The following LPP variants were observed in gnomAD, a reference collection of about 807,000 sequenced individuals.
The protein encoded by LPP is LIM domain containing preferred translocation partner in lipoma.
A neutral mutation model predicts 60.4 loss-of-function variants in LPP; 38 were observed. The observed-to-expected ratio is 0.63, with a 90% CI of 0.49 to 0.83. The LOEUF is 0.83. LPP is among the 40% of genes least tolerant of loss of function. The pLI is 0.00. For missense variants in LPP, 902 were observed against 783.6 expected, an observed-to-expected ratio of 1.15 and a Z score of -1.80; for synonymous variants, 328 against 290.8, an observed-to-expected ratio of 1.13 and a Z score of -1.30.
chr3:188,818,304 A>G (rs528351939), intron 9 of LPP, among the ~76,000 whole-genome samples: 3 of 152,240 alleles, frequency 2.0e-5, no homozygotes, highest in African/African-American at 7.2e-5. Flanking sequence ...ATCTGTCAGA[A>G]CTATTTAATA....
intron 4 of LPP, among the ~76,000 whole-genome samples, chr3:188,430,077 G>C (rs1217862567): frequency 6.6e-6 from 1 of 152,098 alleles, no homozygotes; most frequent in East Asian, 1.9e-4. Flanking sequence ...CTTGTGATTA[G>C]ATTAACCAGA....
chr3:188,245,840 C>G (rs1277297362), intron 2 of LPP, among the ~76,000 whole-genome samples: 1 of 152,076 alleles, frequency 6.6e-6, no homozygotes, highest in Admixed American at 6.6e-5. Context: ...CCACACCCAG[C>G]CCAGCCCTGC....
At chr3:188,266,085 G>A (rs561078110) in intron 2 of LPP, among the ~76,000 whole-genome samples, 2 of 152,140 alleles carry the variant, frequency 1.3e-5, no homozygotes, top group African/African-American at 4.8e-5. Context: ...AGAAGGTGAT[G>A]TGAGATCTCT....
chr3:188,288,831 A>AC (rs199604800), intron 2 of LPP, among the ~76,000 whole-genome samples: 42,396 of 79,440 alleles, frequency 0.53, 9,955 homozygotes, highest in African/African-American at 0.59. Context: ...CCCCACCCCC[A>AC]CCCCCCCGCC....
At chr3:188,683,190 T>C (rs1464615468) in intron 7 of LPP, among the ~76,000 whole-genome samples, 1 of 152,016 alleles carries the variant, frequency 6.6e-6, no homozygotes, top group Non-Finnish European at 1.5e-5. Flanking sequence ...TATTTTTAAA[T>C]TCACTTAGAC....
chr3:188,722,598 A>G (rs1200798952), intron 8 of LPP, among the ~76,000 whole-genome samples: 2 of 152,186 alleles, frequency 1.3e-5, no homozygotes, highest in Non-Finnish European at 2.9e-5. Flanking sequence ...AATGAGTGTT[A>G]TTTTGCCAGA....
At chr3:188,371,558 AT>A (rs1434825642) in intron 3 of LPP, among the ~76,000 whole-genome samples, 1 of 142,792 alleles carries the variant, frequency 7.0e-6, no homozygotes, top group African/African-American at 2.6e-5. Flanking sequence ...AATTTTACAA[AT>A]AATTATGTAG....
intron 1 of LPP, among the ~76,000 whole-genome samples, chr3:188,192,880 C>T (rs1257125646): frequency 1.3e-5 from 2 of 152,282 alleles, no homozygotes; most frequent in East Asian, 1.9e-4. Context: ...GGCAGTGCTC[C>T]GGAAAGACGA....
chr3:188,836,579 T>G (rs542291676), intron 9 of LPP, among the ~76,000 whole-genome samples: 1 of 152,266 alleles, frequency 6.6e-6, no homozygotes, highest in East Asian at 1.9e-4. Context: ...AATGCATGAA[T>G]GAATGCATGG....
chr3:188,247,682 C>T (rs1727471607), intron 2 of LPP, among the ~76,000 whole-genome samples: 1 of 151,794 alleles, frequency 6.6e-6, no homozygotes, highest in African/African-American at 2.4e-5. Flanking sequence ...GCCTGTAATC[C>T]TAGCTACTTG....
rs937538903 is a variant in LPP, at chr3:188,179,227, T to G, written c.-190+24975T>G. On this transcript the variant is annotated intron_variant, in intron 1 of 11. Transcript: ENST00000617246. Reference sequence around the variant, plus strand: ...TTTGAATTTGCCACCGTGAAGAGCATGCATGGAATCTTCGGCTGTGGCCTT... The same window carrying G: ...TTTGAATTTGCCACCGTGAAGAGCAGGCATGGAATCTTCGGCTGTGGCCTT... 1.3e-5 allele frequency: 6 copies of G among 457,902 alleles called. No individual in the cohort carries two copies. The Admixed American group carries it at 1.4e-4, about 11-fold the overall frequency. The allele number at this position is 457,902 out of a possible 1,614,324, so 28.4% of individuals were successfully genotyped here. A position where few individuals can be genotyped will look rare whatever the true frequency, so the allele number is the denominator to read the frequency against.
chr3:188,266,490 C>T lies in LPP; in HGVS notation c.-67+40963C>T, dbSNP rs995239130. On this transcript the variant is annotated intron_variant, in intron 2 of 11. Coordinates refer to ENST00000617246, the MANE Select transcript of LPP (RefSeq NM_001375462.1). ...GATGTGAAAGGAGAGAGAGAGAGCG[C>T]GAGAGAGACAGAAGAGAAGAGGAGA... is the stretch of plus-strand genomic sequence containing the variant. Among the ~76,000 whole-genome samples, 12 of 143,814 alleles carry T rather than the reference C, an allele frequency of 8.3e-5. No homozygotes were observed. In the East Asian group the frequency reaches 1.8e-3, roughly 22 times the overall value. 94.3% of individuals were successfully genotyped at this position (143,814 alleles called of 152,430 possible).
At chr3:188,626,157 T>C (rs1380310830) in intron 7 of LPP, among the ~76,000 whole-genome samples, 1 of 152,082 alleles carries the variant, frequency 6.6e-6, no homozygotes. Flanking sequence ...CAAAATACAG[T>C]CAGGCCTTCA....
intron 2 of LPP, among the ~76,000 whole-genome samples, chr3:188,230,585 A>C (rs1026804522): frequency 6.6e-6 from 1 of 151,950 alleles, no homozygotes; most frequent in East Asian, 1.9e-4. Flanking sequence ...GGAGTTCAAG[A>C]CCAGACTGAC....
intron 8 of LPP, among the ~76,000 whole-genome samples, chr3:188,753,655 T>A (rs2150355914): frequency 6.6e-6 from 1 of 151,978 alleles, no homozygotes; most frequent in African/African-American, 2.4e-5. Context: ...TTAATTTCTC[T>A]TTTTGGACTA....
At chr3:188,646,281 C>G (rs1851089061) in intron 7 of LPP, among the ~76,000 whole-genome samples, 1 of 152,142 alleles carries the variant, frequency 6.6e-6, no homozygotes, top group Non-Finnish European at 1.5e-5. Flanking sequence ...TCAGCCAGAA[C>G]CTCAGCTGGT....
intron 9 of LPP, among the ~76,000 whole-genome samples, chr3:188,816,938 A>G (rs1425158961): frequency 6.6e-6 from 1 of 152,260 alleles, no homozygotes; most frequent in African/African-American, 2.4e-5. Context: ...ATTGGTAAAG[A>G]AAAGCTGCTT....
intron 2 of LPP, among the ~76,000 whole-genome samples, chr3:188,285,246 T>TAAAGATA: frequency 6.6e-6 from 1 of 152,258 alleles, no homozygotes; most frequent in East Asian, 1.9e-4. Context: ...GATAAAGGGG[T>TAAAGATA]ATACAGACTT....
chr3:188,241,757 C>T (rs1211108268), intron 2 of LPP, among the ~76,000 whole-genome samples: 2 of 151,822 alleles, frequency 1.3e-5, no homozygotes, highest in Non-Finnish European at 2.9e-5. Context: ...CTACTATATA[C>T]GTAATTTCAG....
Sources: gnomAD v4.1 joint callset for allele counts (sites outside exome capture counted in the v4.1 genomes callset) on GRCh38, gnomAD v4.1.1 for gene constraint, MANE v1.5 for transcripts, NCBI Gene and HGNC (gene_info 2026-07-23, HGNC 2026-07-21) for gene names.